TMEM232: variants seen among roughly 807,000 people sequenced by gnomAD.
The protein encoded by TMEM232 is transmembrane protein 232.
In TMEM232, 80 loss-of-function variants were observed where a neutral mutation model predicts 78.8. The ratio of observed to expected loss-of-function variants is 1.01; its 90% CI spans 0.85 to 1.22. The LOEUF (loss-of-function observed/expected upper bound fraction) is 1.22. Ranked by LOEUF, TMEM232 falls within the 50% of genes most tolerant of loss-of-function variation. The pLI is 0.00. For missense variants in TMEM232, 881 were observed against 742.2 expected, an observed-to-expected ratio of 1.19 and a Z score of -2.17; for synonymous variants, 297 against 254.3, an observed-to-expected ratio of 1.17 and a Z score of -1.60.
intron 1 of TMEM232, among the ~76,000 whole-genome samples, chr5:110,676,730 C>CTTTT (rs1216708730): frequency 1.5e-5 from 2 of 133,580 alleles, no homozygotes; most frequent in Non-Finnish European, 3.2e-5. Context: ...GACCCTTCAT[C>CTTTT]TTTTATTTAT....
intron 1 of TMEM232, among the ~76,000 whole-genome samples, chr5:110,695,498 A>C (rs545595953): frequency 1.8e-3 from 273 of 152,332 alleles, no homozygotes; most frequent in African/African-American, 6.1e-3. Flanking sequence ...CCCTCAAAAA[A>C]TCAATGAATC....
intron 12 of TMEM232, among the ~76,000 whole-genome samples, chr5:110,441,377 A>G (rs1413409620): frequency 6.6e-6 from 1 of 152,160 alleles, no homozygotes; most frequent in Non-Finnish European, 1.5e-5. Flanking sequence ...AAACACATGA[A>G]ATGTTATATG....
rs116494289 is a variant in TMEM232, at chr5:110,560,492, C to T, written c.1455+7955G>A. Among the ~76,000 whole-genome samples the T allele has an allele frequency of 1.3e-3, 193 of 152,146 alleles. 1 individual carries two copies. The highest frequency in any genetic ancestry group is 4.3e-3 in the African/African-American group (178 of 41,518). On this transcript the variant is annotated intron_variant, in intron 11 of 13. Coordinates refer to ENST00000455884, the MANE Select transcript of TMEM232 (RefSeq NM_001039763.4). ...GGGAACAAACTGAAAATTTTTCCAA[C>T]GGCCAGAGCTGGAACAATTTGAGCA... is the stretch of plus-strand genomic sequence containing the variant.
intron 3 of TMEM232, among the ~76,000 whole-genome samples, chr5:110,392,616 A>G (rs1755240039): frequency 6.6e-6 from 1 of 152,132 alleles, no homozygotes; most frequent in African/African-American, 2.4e-5. Context: ...CATGATGGAG[A>G]GAGAATGACC....
chr5:110,578,307 C>T (rs1275900126), intron 10 of TMEM232, among the ~76,000 whole-genome samples: 1 of 151,436 alleles, frequency 6.6e-6, no homozygotes, highest in Non-Finnish European at 1.5e-5. Flanking sequence ...CCAGGGGCAA[C>T]AAGGAAATAA....
intron 1 of TMEM232, among the ~76,000 whole-genome samples, chr5:110,711,713 G>T (rs1302192535): frequency 6.6e-6 from 1 of 152,058 alleles, no homozygotes; most frequent in Non-Finnish European, 1.5e-5. Flanking sequence ...AAGTAGTGCT[G>T]GGAAAACTGG....
intron 12 of TMEM232, among the ~76,000 whole-genome samples, chr5:110,487,512 AT>A (rs940756090): frequency 1.3e-5 from 2 of 152,028 alleles, no homozygotes; most frequent in African/African-American, 4.8e-5. Context: ...GAGAGTTTTC[AT>A]TGGAAAGCGA....
chr5:110,500,501 G>A (rs1159191687), intron 12 of TMEM232, among the ~76,000 whole-genome samples: 3 of 151,950 alleles, frequency 2.0e-5, no homozygotes, highest in Admixed American at 2.0e-4. Flanking sequence ...ATATTTTACT[G>A]AGTTATGATA....
At chr5:110,488,821 C>G (rs1169444757) in intron 12 of TMEM232, among the ~76,000 whole-genome samples, 1 of 151,830 alleles carries the variant, frequency 6.6e-6, no homozygotes, top group Non-Finnish European at 1.5e-5. Flanking sequence ...CTACATTAAC[C>G]TAGCATAAAA....
chr5:110,457,676 T>C (rs747197776), intron 12 of TMEM232, among the ~76,000 whole-genome samples: 1 of 152,102 alleles, frequency 6.6e-6, no homozygotes, highest in Non-Finnish European at 1.5e-5. Context: ...TTTACACTAA[T>C]TGCATTATTA....
At chr5:110,674,613 G>C (rs1791788178) in intron 1 of TMEM232, among the ~76,000 whole-genome samples, 2 of 152,190 alleles carry the variant, frequency 1.3e-5, no homozygotes, top group South Asian at 4.1e-4. Context: ...AACCTGAAAA[G>C]TACTAATATT....
chr5:110,575,696 G>A (rs932170792), intron 10 of TMEM232, among the ~76,000 whole-genome samples: 4 of 151,944 alleles, frequency 2.6e-5, no homozygotes, highest in African/African-American at 9.7e-5. Context: ...GCCAACCAGG[G>A]AGCAACATGG....
intron 11 of TMEM232, among the ~76,000 whole-genome samples, chr5:110,554,322 G>A (rs990880756): frequency 1.3e-5 from 2 of 152,192 alleles, no homozygotes; most frequent in Middle Eastern, 3.4e-3. Flanking sequence ...GATGCTTTCT[G>A]CCCCCGACCC....
intron 11 of TMEM232, among the ~76,000 whole-genome samples, chr5:110,553,500 T>C (rs1774708484): frequency 1.3e-5 from 2 of 152,154 alleles, no homozygotes; most frequent in African/African-American, 2.4e-5. Flanking sequence ...GTGAATGGTA[T>C]TGCATCCTCA....
intron 2 of TMEM232, among the ~76,000 whole-genome samples, chr5:110,652,294 G>GCACGCACACACACACACACACA: frequency 6.9e-6 from 1 of 145,452 alleles, no homozygotes; most frequent in Admixed American, 6.9e-5. Context: ...GCACGCGCGC[G>GCACGCACACACACACACACACA]CACACACACA....
rs368930170 is a variant in TMEM232, at chr5:110,654,628, T to C, written c.126-12257A>G. Among the ~76,000 whole-genome samples the C allele has an allele frequency of 7.9e-5, 12 of 152,296 alleles. No homozygotes were observed. The East Asian group carries it at 1.4e-3, about 17-fold the overall frequency. On this transcript the variant is annotated intron_variant, in intron 2 of 13. Transcript: ENST00000455884. Reference sequence around the variant, plus strand: ...TTGGCTTAGGATTGACTTGGTGATGTGGGCTCTTTTTTGGTTCCATATGAA... The same window carrying C: ...TTGGCTTAGGATTGACTTGGTGATGCGGGCTCTTTTTTGGTTCCATATGAA...
intron 1 of TMEM232, among the ~76,000 whole-genome samples, chr5:110,721,667 G>GTATATATATATATA (rs1277641654): frequency 0.024 from 246 of 10,452 alleles, 11 homozygotes; most frequent in Admixed American, 0.029. Context: ...GTGTGTGTGT[G>GTATATATATATATA]TGTGTGTATA....
chr5:110,709,655 A>T (rs1238554843), intron 1 of TMEM232, among the ~76,000 whole-genome samples: 1 of 152,138 alleles, frequency 6.6e-6, no homozygotes, highest in East Asian at 1.9e-4. Flanking sequence ...TGAAGAAATT[A>T]AGGTGGAAAT....
intron 10 of TMEM232, among the ~76,000 whole-genome samples, chr5:110,599,446 C>T (rs866376594): frequency 2.6e-5 from 4 of 152,204 alleles, no homozygotes; most frequent in Middle Eastern, 3.4e-3. Flanking sequence ...CAAAGACACA[C>T]ATAGGCTCAA....
Sources: gnomAD v4.1 joint callset for allele counts (sites outside exome capture counted in the v4.1 genomes callset) on GRCh38, gnomAD v4.1.1 for gene constraint, MANE v1.5 for transcripts, NCBI Gene and HGNC (gene_info 2026-07-23, HGNC 2026-07-21) for gene names.